The following SETX variants were observed in gnomAD, a reference collection of about 807,000 sequenced individuals.
SETX encodes the protein helicase senataxin.
SETX carries 90 observed loss-of-function variants against 227.2 expected under a neutral mutation model. The ratio of observed to expected loss-of-function variants is 0.40; its 90% CI spans 0.33 to 0.47. SETX has a LOEUF of 0.47. Ranked by LOEUF, SETX falls within the 20% of genes least tolerant of loss-of-function variation. The pLI, the probability that SETX is intolerant of heterozygous loss-of-function variation, is 0.91. For synonymous variants in SETX, 1,210 were observed against 1,113.2 expected (o/e 1.09, Z -1.73); for missense variants, 3,052 against 3,181.5 (o/e 0.96, Z 0.98).
At position 132,346,181 on chromosome 9, in the gene SETX, T is replaced by C. The variant is rs894774832; in HGVS notation, c.388+80A>G. 8 of 1,141,134 alleles carry C rather than the reference T, an allele frequency of 7.0e-6. No homozygotes were observed. In the African/African-American group the frequency reaches 1.1e-4, roughly 16 times the overall value. The allele number at this position is 1,141,134 out of a possible 1,614,324, so 70.7% of individuals were successfully genotyped here. On this transcript the variant is annotated intron_variant, in intron 4 of 25. Transcript: ENST00000224140. Reference sequence around the variant, plus strand: ...TAATTATATGTTTAGCAAACAAATTTGCAATATAGATAAGCCTAAATTCTT... The same window carrying C: ...TAATTATATGTTTAGCAAACAAATTCGCAATATAGATAAGCCTAAATTCTT...
intron 7 of SETX, among the ~76,000 whole-genome samples, 166 bp downstream of exon 7, chr9:132,334,442 T>C: frequency 6.6e-6 from 1 of 152,134 alleles, no homozygotes; most frequent in Non-Finnish European, 1.5e-5. Flanking sequence ...GAGTATGACT[T>C]CGTATCAAAA....
intron 7 of SETX, among the ~76,000 whole-genome samples, chr9:132,333,541 T>C (rs1396534834): frequency 6.6e-6 from 1 of 151,498 alleles, no homozygotes; most frequent in African/African-American, 2.4e-5. Context: ...TCAAGTTGCA[T>C]GAAGAGAATG....
chr9:132,267,150 G>A (rs747134526), intron 25 of SETX, among the ~76,000 whole-genome samples: 1 of 152,224 alleles, frequency 6.6e-6, no homozygotes, highest in Non-Finnish European at 1.5e-5. Context: ...ATGGTTTCTT[G>A]AATTTGATGA....
intron 17 of SETX, 121 bp from the exon 18 acceptor site, chr9:132,286,615 G>A: frequency 2.7e-6 from 2 of 740,740 alleles, no homozygotes; most frequent in Non-Finnish European, 4.7e-6. Flanking sequence ...TATTTACCCA[G>A]CTTATTTCCT....
chr9:132,278,437 CTTTTTTTTTTTTTTTTT>C (rs67558000), intron 20 of SETX, among the ~76,000 whole-genome samples, 180 bp from the exon 21 acceptor site: 2,051 of 85,016 alleles, frequency 0.024, 111 homozygotes, highest in East Asian at 0.2. Flanking sequence ...TGCCATGAAT[CTTTTTTTTTTTTTTTTT>C]TTTTTTTTTT....
At position 132,316,159 on chromosome 9, in the gene SETX, TAA is replaced by T. The variant is rs140541401; in HGVS notation, c.5275-4305_5275-4304del. Among the ~76,000 whole-genome samples the T allele has an allele frequency of 2.1e-3, 317 of 152,324 alleles. 2 individuals carry two copies. The highest frequency in any genetic ancestry group is 7.1e-3 in the Admixed American group (108 of 15,300). ...TTCTTCTGACGAGGCTACGCAGGAA[TAA>T]GACTGCTAGATCATAAAGGATCACA... On this transcript the variant is annotated intron_variant, in intron 10 of 25. Coordinates refer to ENST00000224140, the MANE Select transcript of SETX (RefSeq NM_015046.7).
rs761781932 is a variant in SETX at position 132,347,439 on chromosome 9, AG to A, written c.178-969del. ...GCGATTCTCCTGCCTCAGCCTCCTG[AG>A]TAGCTGGGATTACAGGCGCCCACCA... On this transcript the variant is annotated intron_variant, in intron 3 of 25. Coordinates refer to ENST00000224140, the MANE Select transcript of SETX (RefSeq NM_015046.7). Among the ~76,000 whole-genome samples the A allele has an allele frequency of 7.9e-5, 12 of 151,368 alleles. No homozygotes were observed. The East Asian group carries it at 2.4e-3, about 30-fold the overall frequency.
Position 132,327,632 on chromosome 9 carries a change from G to T in SETX, c.3966C>A (p.Thr1322=), listed in dbSNP as rs772257618. The T allele has an allele frequency of 6.8e-6, 11 of 1,613,622 alleles. No homozygotes were observed. The Admixed American group carries it at 1.5e-4, about 22-fold the overall frequency. Residue 1322 remains threonine (T), a synonymous_variant, in exon 10 of 26, where the codon ACC becomes ACA. Coordinates refer to ENST00000224140, the MANE Select transcript of SETX (RefSeq NM_015046.7). ...GAGAAATTAATTTAGTCTTTTTTCG[G>T]GTATCAACTACTCCAACAGTTTTGC... is the stretch of plus-strand genomic sequence containing the variant. ...DHGKTVGVVD[T]RKKTKLISPQ...
Position 132,281,479 on chromosome 9 carries a change from T to C in SETX, c.6642A>G (p.Thr2214=), listed in dbSNP as rs1564482154. The change falls in exon 20 of 26, where the codon ACA becomes ACG. Residue 2214 remains threonine (T), a synonymous_variant. Coordinates refer to ENST00000224140, the MANE Select transcript of SETX (RefSeq NM_015046.7). ...LVGDPKQLPP[T]VISMKAQEYG... is the part of the protein sequence containing the mutation. The stretch of plus-strand genomic sequence containing the variant: ...ATAAAAAACTTACCATAGAGATGAC[T>C]GTCGGAGGGAGCTGCTTAGGATCTC... 2 of 1,612,534 alleles carry C rather than the reference T, an allele frequency of 1.2e-6. No homozygotes were observed. Among genetic ancestry groups the C allele is most frequent in the Non-Finnish European group, 8.5e-7 (1 of 1,178,584 alleles).
intron 5 of SETX, among the ~76,000 whole-genome samples, chr9:132,339,551 T>C (rs1847838921): frequency 6.6e-6 from 1 of 152,212 alleles, no homozygotes; most frequent in Non-Finnish European, 1.5e-5. Context: ...TATGGTTTTT[T>C]AGATAGATTT....
chr9:132,348,648 C>G (rs949748916), intron 3 of SETX, among the ~76,000 whole-genome samples: 1 of 152,186 alleles, frequency 6.6e-6, no homozygotes, highest in East Asian at 1.9e-4. Context: ...TCAAAGTCGG[C>G]CAGGCATGGT....
intron 11 of SETX, among the ~76,000 whole-genome samples, chr9:132,310,649 C>T (rs964564929): frequency 1.2e-4 from 18 of 152,210 alleles, no homozygotes; most frequent in African/African-American, 4.1e-4. Flanking sequence ...TCCTGCCAAA[C>T]ATCCGCTTTC....
In SETX at chr9:132,354,969, T is replaced by C. The variant is rs1477400845; in HGVS notation, c.-167A>G. On this transcript the variant is annotated 5_prime_UTR_variant, in exon 1 of 26. Coordinates refer to ENST00000224140, the MANE Select transcript of SETX (RefSeq NM_015046.7). ...CCCACCTCCATACCGGGCCCCGCTC[T>C]AGGCCACCAGCGGAAGTGCGGGCCC... The C allele has an allele frequency of 2.0e-5, 3 of 152,136 alleles. No individual in the cohort carries two copies. Among genetic ancestry groups the C allele is most frequent in the African/African-American group, 7.2e-5 (3 of 41,402 alleles). The allele number at this position is 152,136 out of a possible 1,614,324, so 9.4% of individuals were successfully genotyped here.
chr9:132,335,699 A>G (rs1236423761), intron 6 of SETX, among the ~76,000 whole-genome samples: 1 of 152,204 alleles, frequency 6.6e-6, no homozygotes, highest in Non-Finnish European at 1.5e-5. Flanking sequence ...AATCCTATTT[A>G]AAGCCAACTA....
At chr9:132,308,053 T>C (rs1845435881) in intron 11 of SETX, among the ~76,000 whole-genome samples, 1 of 152,208 alleles carries the variant, frequency 6.6e-6, no homozygotes, top group South Asian at 2.1e-4. Flanking sequence ...TTATAAACTA[T>C]GCTACTGAGT....
intron 19 of SETX, among the ~76,000 whole-genome samples, chr9:132,282,093 C>T (rs1307765512): frequency 6.9e-6 from 1 of 145,778 alleles, no homozygotes; most frequent in Admixed American, 6.8e-5. Flanking sequence ...ACTCTCCAAA[C>T]ATGTCTAAAA....
intron 23 of SETX, among the ~76,000 whole-genome samples, chr9:132,272,619 T>G (rs975695458): frequency 6.6e-6 from 1 of 152,170 alleles, no homozygotes; most frequent in Non-Finnish European, 1.5e-5. Context: ...TAAGACATTT[T>G]AAAAACATTT....
Position 132,328,088 on chromosome 9 carries a change from A to G in SETX, c.3510T>C (p.Ala1170=), listed in dbSNP as rs751338349. Residue 1170 remains alanine, a synonymous_variant, in exon 10 of 26, where the codon GCT becomes GCC. Coordinates refer to ENST00000224140, the MANE Select transcript of SETX (RefSeq NM_015046.7). ...PKRKRSEKPM[A]EDPVRPSSSV... The stretch of plus-strand genomic sequence containing the variant: ...AAGATGAAGGCCTCACAGGATCTTC[A>G]GCCATTGGTTTTTCAGATCGTTTTC... The G allele has an allele frequency of 1.2e-6, 2 of 1,614,080 alleles. No homozygotes were observed. Among genetic ancestry groups the G allele is most frequent in the African/African-American group, 1.3e-5 (1 of 75,022 alleles).
rs760039748 is a variant in SETX at position 132,278,179 on chromosome 9, T to C, written c.6733A>G (p.Met2245Val). ...TGTAGAATGGGCAGCCTGCTGATCA[T>C]GTTGTGTTCTACATTCTCTTCCAGC... Reference protein sequence around the residue: ...RLLEENVEHNMISRLPILQLT... With the variant: ...RLLEENVEHNVISRLPILQLT... Residue 2245 changes from methionine (M) to valine (V), a missense_variant, in exon 21 of 26, where the codon ATG becomes GTG. This residue lies in a region of SETX where 412 missense variants were observed against 589.0 expected (regional missense o/e 0.70). Transcript: ENST00000224140. The C allele has an allele frequency of 1.1e-5, 18 of 1,614,204 alleles. No homozygotes were observed. The highest frequency in any genetic ancestry group is 1.4e-5 in the Non-Finnish European group (17 of 1,180,028).
Sources: gnomAD v4.1 joint callset for allele counts (sites outside exome capture counted in the v4.1 genomes callset) on GRCh38, gnomAD v4.1.1 for gene constraint, gnomAD v4.1.1 regional missense constraint, MANE v1.5 for transcripts, NCBI Gene and HGNC (gene_info 2026-07-23, HGNC 2026-07-21) for gene names.